Variants in GRXCR1 observed in about 807,000 individuals in gnomAD.
The protein encoded by GRXCR1 is glutaredoxin domain-containing cysteine-rich protein 1.
GRXCR1 carries 27 observed loss-of-function variants against 27.3 expected under a neutral mutation model. That is an observed-to-expected ratio of 0.99 (90% confidence interval 0.73 to 1.37). GRXCR1 has a LOEUF of 1.37. Ranked by LOEUF, GRXCR1 falls within the 40% of genes most tolerant of loss-of-function variation. The pLI, the probability that GRXCR1 is intolerant of heterozygous loss-of-function variation, is 0.00. For missense variants in GRXCR1, 379 were observed against 354.4 expected (o/e 1.07, Z -0.56); for synonymous variants, 122 against 131.1 (o/e 0.93, Z 0.47).
intron 2 of GRXCR1, among the ~76,000 whole-genome samples, chr4:42,987,950 TG>T (rs1711834641): frequency 6.6e-6 from 1 of 152,174 alleles, no homozygotes; most frequent in Admixed American, 6.5e-5. Context: ...AAAGACTAGA[TG>T]GCATTAGAGT....
chr4:42,939,089 G>T (rs907321828), intron 1 of GRXCR1, among the ~76,000 whole-genome samples: 2 of 151,978 alleles, frequency 1.3e-5, no homozygotes, highest in Admixed American at 6.6e-5. Context: ...TCTATAGATT[G>T]CTTTGGCTAG....
chr4:43,017,803 T>C (rs948441818), intron 2 of GRXCR1, among the ~76,000 whole-genome samples: 130 of 152,194 alleles, frequency 8.5e-4, no homozygotes, highest in African/African-American at 2.8e-3. Flanking sequence ...AGAATGTCAA[T>C]GTGTAAGGAA....
intron 2 of GRXCR1, among the ~76,000 whole-genome samples, chr4:42,980,888 C>T (rs115258254): frequency 0.011 from 1,604 of 150,902 alleles, 18 homozygotes; most frequent in African/African-American, 0.022. Flanking sequence ...ATTTCTTTAT[C>T]AGTCTTTATG....
At chr4:42,919,715 C>T (rs1377710002) in intron 1 of GRXCR1, among the ~76,000 whole-genome samples, 1 of 152,040 alleles carries the variant, frequency 6.6e-6, no homozygotes, top group Non-Finnish European at 1.5e-5. Flanking sequence ...GAAACAAGGC[C>T]ATTTCCAGGA....
intron 2 of GRXCR1, among the ~76,000 whole-genome samples, chr4:42,965,728 G>A (rs1471423881): frequency 6.6e-6 from 1 of 151,954 alleles, no homozygotes; most frequent in Non-Finnish European, 1.5e-5. Flanking sequence ...TTATAGGAAG[G>A]AGAGAGAAAA....
At chr4:42,947,206 A>G (rs1747763444) in intron 1 of GRXCR1, among the ~76,000 whole-genome samples, 1 of 152,022 alleles carries the variant, frequency 6.6e-6, no homozygotes, top group African/African-American at 2.4e-5. Flanking sequence ...GTCATCAGAG[A>G]GGATGAGGTG....
intron 1 of GRXCR1, among the ~76,000 whole-genome samples, chr4:42,917,207 C>G (rs1746905145): frequency 6.6e-6 from 1 of 152,078 alleles, no homozygotes; most frequent in African/African-American, 2.4e-5. Context: ...CAAGTGGAAT[C>G]CTTGGCATTT....
intron 2 of GRXCR1, among the ~76,000 whole-genome samples, chr4:43,014,244 A>G (rs1346426694): frequency 2.6e-5 from 4 of 152,012 alleles, no homozygotes; most frequent in Non-Finnish European, 5.9e-5. Context: ...TTGGCACAGA[A>G]CTCCAGGGAC....
chr4:42,987,144 G>A (rs1284269230), intron 2 of GRXCR1, among the ~76,000 whole-genome samples: 1 of 145,424 alleles, frequency 6.9e-6, no homozygotes, highest in Non-Finnish European at 1.5e-5. Context: ...GAAGGAAGAG[G>A]AGAGAGAGAC....
intron 2 of GRXCR1, among the ~76,000 whole-genome samples, 154 bp downstream of exon 2, chr4:42,963,288 C>T (rs1443041951): frequency 6.6e-6 from 1 of 151,898 alleles, no homozygotes; most frequent in African/African-American, 2.4e-5. Flanking sequence ...ATTTCTGTCC[C>T]AGACAATGAG....
At chr4:42,899,010 G>T (rs1274664436) in intron 1 of GRXCR1, among the ~76,000 whole-genome samples, 3 of 152,094 alleles carry the variant, frequency 2.0e-5, no homozygotes, top group African/African-American at 7.2e-5. Flanking sequence ...CACAATTAAA[G>T]AATTGTAAAC....
intron 2 of GRXCR1, among the ~76,000 whole-genome samples, chr4:42,999,813 G>A (rs1337337254): frequency 2.0e-5 from 3 of 152,206 alleles, no homozygotes; most frequent in African/African-American, 7.2e-5. Flanking sequence ...AAAGTACATG[G>A]TTGGCTCAAT....
intron 1 of GRXCR1, among the ~76,000 whole-genome samples, chr4:42,938,902 T>TACTATAGC (rs1209046602): frequency 1.3e-5 from 2 of 151,690 alleles, no homozygotes; most frequent in Non-Finnish European, 2.9e-5. Context: ...CTGTTCTGGG[T>TACTATAGC]ACTATAGCTC....
chr4:42,917,204 A>G (rs912505726), intron 1 of GRXCR1, among the ~76,000 whole-genome samples: 2 of 152,126 alleles, frequency 1.3e-5, no homozygotes, highest in Non-Finnish European at 2.9e-5. Flanking sequence ...TATCAAGTGG[A>G]ATCCTTGGCA....
intron 1 of GRXCR1, among the ~76,000 whole-genome samples, chr4:42,900,288 G>T (rs1225746351): frequency 6.6e-6 from 1 of 152,046 alleles, no homozygotes; most frequent in African/African-American, 2.4e-5. Context: ...TTATTTACGT[G>T]CACAAATCTA....
chr4:42,944,370 G>T (rs1747695334), intron 1 of GRXCR1, among the ~76,000 whole-genome samples: 1 of 152,078 alleles, frequency 6.6e-6, no homozygotes, highest in African/African-American at 2.4e-5. Context: ...TCCAGGAACA[G>T]CAAGATGATA....
At chr4:42,921,446 A>G (rs891838537) in intron 1 of GRXCR1, among the ~76,000 whole-genome samples, 47 of 152,102 alleles carry the variant, frequency 3.1e-4, no homozygotes, top group African/African-American at 1.1e-3. Context: ...GAACTGTATC[A>G]TGCTTCTGGT....
At chr4:42,963,226 T>G in intron 2 of GRXCR1, 92 bp downstream of exon 2, 1 of 1,444,902 alleles carries the variant, frequency 6.9e-7, no homozygotes, top group Non-Finnish European at 9.7e-7. Flanking sequence ...GCGTAACTAC[T>G]GGAACACTTG....
intron 2 of GRXCR1, among the ~76,000 whole-genome samples, chr4:42,990,211 A>G (rs1295491615): frequency 6.6e-5 from 2 of 30,534 alleles, no homozygotes; most frequent in Admixed American, 7.0e-4. Flanking sequence ...TTTTTTTTTG[A>G]GACGGAGTCT....
Sources: gnomAD v4.1 joint callset for allele counts (sites outside exome capture counted in the v4.1 genomes callset) on GRCh38, gnomAD v4.1.1 for gene constraint, MANE v1.5 for transcripts, NCBI Gene and HGNC (gene_info 2026-07-23, HGNC 2026-07-21) for gene names.